PLEC: variants seen among roughly 807,000 people sequenced by gnomAD.
The protein encoded by PLEC is plectin, also known as hemidesmosomal protein 1.
Under a neutral mutation model 392.8 loss-of-function variants are expected in PLEC, and 216 were observed. The ratio of observed to expected loss-of-function variants is 0.55; its 90% CI spans 0.49 to 0.62. The LOEUF (loss-of-function observed/expected upper bound fraction) is 0.62, where lower values mean the gene tolerates loss of function less well. PLEC is among the 20% of genes least tolerant of loss of function. The pLI is 0.00. For missense variants in PLEC, 6,863 were observed against 6,563.4 expected, an observed-to-expected ratio of 1.05 and a Z score of -1.58; for synonymous variants, 3,621 against 2,980.6, an observed-to-expected ratio of 1.21 and a Z score of -7.00.
At chr8:143,940,665 G>A (rs1474080366), upstream of PLEC, among the ~76,000 whole-genome samples, 1 of 152,206 alleles carries the variant, frequency 6.6e-6, no homozygotes, top group Non-Finnish European at 1.5e-5. Flanking sequence ...CCGCACATCA[G>A]GCAGATTCGG....
At position 143,925,540 on chromosome 8, in the gene PLEC, G is replaced by A. The variant is rs369515138; in HGVS notation, c.4389C>T (p.Ala1463=). 3.8e-6 allele frequency: 6 copies of A among 1,594,664 alleles called. No homozygotes were observed. Among genetic ancestry groups the A allele is most frequent in the Non-Finnish European group, 4.2e-6 (5 of 1,177,778 alleles). The change falls in exon 31 of 32, where the codon GCC becomes GCT. Residue 1463 remains alanine, a synonymous_variant. Coordinates refer to ENST00000345136, the MANE Select transcript of PLEC (RefSeq NM_201384.3). ...CAGCCCCGCCACGCTGGCGCTCGGTGGCCTCCAACTGCAGGCGCACCACGC... is the reference window on the plus strand; with the variant it reads ...CAGCCCCGCCACGCTGGCGCTCGGTAGCCTCCAACTGCAGGCGCACCACGC... ...EIRVVRLQLE[A]TERQRGGAEG...
In PLEC at chr8:143,920,014, C is replaced by T; in HGVS notation, c.9807G>A (p.Glu3269=). 2 of 1,613,246 alleles carry T rather than the reference C, an allele frequency of 1.2e-6. No homozygotes were observed. ...TGCCCGTGCGGAACTGACGCAACAG[C>T]TCCTGCCGCTGCTCCGCAGTGAAGT... The part of the protein sequence containing the change: ...SEYFTAEQRQ[E]LLRQFRTGKV... The change falls in exon 32 of 32, where the codon GAG becomes GAA. Residue 3269 remains glutamate (E), a synonymous_variant. Coordinates refer to ENST00000345136, the MANE Select transcript of PLEC (RefSeq NM_201384.3).
chr8:143,946,403 C>G (rs923140690), intron 1 of PLEC: 30 of 1,288,460 alleles, frequency 2.3e-5, no homozygotes, highest in Non-Finnish European at 3.0e-5. Context: ...GGCTGCCACA[C>G]AGGCCAGGCT....
At chr8:143,960,685 T>C (rs1554740613) in intron 1 of PLEC, among the ~76,000 whole-genome samples, 2 of 151,864 alleles carry the variant, frequency 1.3e-5, no homozygotes, top group Non-Finnish European at 2.9e-5. Flanking sequence ...ATCAAAATCG[T>C]GTTGGAATAG....
In PLEC at chr8:143,918,010, A is replaced by C. The variant is rs553240680; in HGVS notation, c.11811T>G (p.Gly3937=). Residue 3937 remains glycine, a synonymous_variant, in exon 32 of 32, where the codon GGT becomes GGG. Transcript: ENST00000345136. ...KFLEGTSCIA[G]VFVDATKERL... ...GTTCCTTGGTGGCGTCCACGAAGAC[A>C]CCAGCGATGCAGCTGGTGCCTTCCA... The C allele has an allele frequency of 6.2e-7, 1 of 1,611,604 alleles. No homozygotes were observed. Among genetic ancestry groups the C allele is most frequent in the Non-Finnish European group, 8.5e-7 (1 of 1,179,738 alleles).
intron 1 of PLEC, among the ~76,000 whole-genome samples, chr8:143,949,694 T>A (rs1378627971): frequency 6.6e-6 from 1 of 152,130 alleles, no homozygotes; most frequent in Non-Finnish European, 1.5e-5. Context: ...AGCACTCAGT[T>A]ACCGGTCACA....
chr8:143,916,855 G>T lies in PLEC; in HGVS notation c.12966C>A (p.Ile4322=), dbSNP rs201042249. The change falls in exon 32 of 32, where the codon ATC becomes ATA. Residue 4322 remains isoleucine (I), a synonymous_variant. Transcript: ENST00000345136. ...GGAAGCGCTCACCGGTGCTGGGGTC[G>T]ATGATGCCCCCGGTGCAGGCCTGCG... ...LEAQACTGGI[I]DPSTGERFPV... The T allele has an allele frequency of 1.1e-5, 17 of 1,612,794 alleles. No homozygotes were observed. Among genetic ancestry groups the T allele is most frequent in the African/African-American group, 6.7e-5 (5 of 75,014 alleles).
At position 143,922,673 on chromosome 8, in the gene PLEC, C is replaced by A. The variant is rs554586153; in HGVS notation, c.7256G>T (p.Arg2419Leu). The A allele has an allele frequency of 8.7e-6, 14 of 1,613,176 alleles. No individual in the cohort carries two copies. Among genetic ancestry groups the A allele is most frequent in the South Asian group, 7.7e-5 (7 of 90,934 alleles). ...QAEEIGEKLH[R>L]TELATQEKVT... is the part of the protein sequence containing the mutation. ...CTTCTCCTGGGTGGCGAGCTCCGTG[C>A]GGTGCAGCTTCTCACCGATCTCCTC... The change falls in exon 31 of 32, where the codon CGC (arginine) becomes CTC (leucine). Residue 2419 changes from arginine (R) to leucine (L), a missense_variant. By Grantham distance (102) the Arg-to-Leu change is moderately radical. Transcript: ENST00000345136.
At chr8:143,936,693 C>T (rs1829139553) in intron 5 of PLEC, among the ~76,000 whole-genome samples, 1 of 152,214 alleles carries the variant, frequency 6.6e-6, no homozygotes, top group Non-Finnish European at 1.5e-5. Flanking sequence ...CTCCCCAGGG[C>T]AGGCACCGGG....
At chr8:143,952,192 ACACACACACACACACACGCG>A (rs1832232746), upstream of PLEC, among the ~76,000 whole-genome samples, 1 of 124,248 alleles carries the variant, frequency 8.0e-6, no homozygotes, top group Non-Finnish European at 1.7e-5. Context: ...ACACACACAC[ACACACACACACACACACGCG>A]CGCACACACG....
In PLEC at chr8:143,973,259, G is replaced by T; in HGVS notation, c.70+144C>A. 1 of 938,848 alleles carries T rather than the reference G, an allele frequency of 1.1e-6. No individual in the cohort carries two copies. The highest frequency in any genetic ancestry group is 1.5e-6 in the Non-Finnish European group (1 of 657,616). The allele number at this position is 938,848 out of a possible 1,614,324, so 58.2% of individuals were successfully genotyped here. On this transcript the variant is annotated intron_variant, in intron 1 of 31. Coordinates refer to the PLEC transcript ENST00000356346. The surrounding 1 kb of genome is among the most constrained non-coding windows in gnomAD (Gnocchi z 5.6). Reference sequence around the variant, plus strand: ...TCCTCCCCTTCCCTAGGCACTGGCAGCCGTTGGGGGCGATCCAGGCGGACG... The same window carrying T: ...TCCTCCCCTTCCCTAGGCACTGGCATCCGTTGGGGGCGATCCAGGCGGACG...
chr8:143,955,745 G>A (rs782017907), upstream of PLEC, among the ~76,000 whole-genome samples: 10 of 151,182 alleles, frequency 6.6e-5, no homozygotes, highest in South Asian at 2.1e-4. Flanking sequence ...GACTACAGGC[G>A]TGCACCACCA....
chr8:143,962,325 C>G (rs1372390038), intron 1 of PLEC, among the ~76,000 whole-genome samples: 1 of 152,226 alleles, frequency 6.6e-6, no homozygotes, highest in African/African-American at 2.4e-5. Flanking sequence ...TTCCTAGGCT[C>G]TTCCCGGGTG....
intron 1 of PLEC, among the ~76,000 whole-genome samples, chr8:143,972,536 C>T (rs1833482767): frequency 6.6e-6 from 1 of 152,204 alleles, no homozygotes; most frequent in African/African-American, 2.4e-5. Flanking sequence ...CCTGAGCTGC[C>T]CTTGGGGGCA....
upstream of PLEC, chr8:143,943,950 C>A (rs984001029): frequency 7.0e-6 from 11 of 1,577,278 alleles, no homozygotes; most frequent in African/African-American, 6.7e-5. Flanking sequence ...CTGCTCCAGG[C>A]TAGACAGCCC....
At position 143,933,307 on chromosome 8, in the gene PLEC, C is replaced by T. The variant is rs781792205; in HGVS notation, c.1308G>A (p.Gly436=). The change falls in exon 13 of 32, where the codon GGG becomes GGA. Residue 436 remains glycine (G), a synonymous_variant. Coordinates refer to ENST00000345136, the MANE Select transcript of PLEC (RefSeq NM_201384.3). ...LAAGKVPQRA[G]EVERDLDKAD... ...CCTTGTCCAAGTCCCGTTCCACCTCCCCCGCCCGCTGTGGCACTTTGCCTG... is the reference window on the plus strand; with the variant it reads ...CCTTGTCCAAGTCCCGTTCCACCTCTCCCGCCCGCTGTGGCACTTTGCCTG... The T allele has an allele frequency of 6.2e-7, 1 of 1,612,944 alleles. No individual in the cohort carries two copies. Among genetic ancestry groups the T allele is most frequent in the South Asian group, 1.1e-5 (1 of 91,090 alleles).
chr8:143,939,475 C>T lies in PLEC; in HGVS notation c.-14G>A. On this transcript the variant is annotated 5_prime_UTR_variant, in exon 1 of 32. Transcript: ENST00000345136. ...GTGCTGAGACATGCTGCCCCCACAC[C>T]TTCGTCGCCCGGACCCTCGGCCTCA... The T allele has an allele frequency of 1.2e-6, 2 of 1,606,348 alleles. No homozygotes were observed. The highest frequency in any genetic ancestry group is 1.1e-5 in the South Asian group (1 of 89,754).
Position 143,933,883 on chromosome 8 carries a change from C to G in PLEC, c.1263+115G>C, listed in dbSNP as rs570212192. The G allele has an allele frequency of 2.5e-5, 22 of 885,714 alleles. No homozygotes were observed. The Admixed American group carries it at 4.1e-4, about 16-fold the overall frequency. 54.9% of individuals were successfully genotyped at this position (885,714 alleles called of 1,614,324 possible). ...CCCCACCACATGCCCCGCCCCTGCCCCTGCCCCTGCCCCAGGAGCCCAGGG... is the reference window on the plus strand; with the variant it reads ...CCCCACCACATGCCCCGCCCCTGCCGCTGCCCCTGCCCCAGGAGCCCAGGG... On this transcript the variant is annotated intron_variant, in intron 12 of 31. Transcript: ENST00000345136.
At chr8:143,947,366 G>A (rs1245206557) in intron 1 of PLEC, among the ~76,000 whole-genome samples, 11 of 152,230 alleles carry the variant, frequency 7.2e-5, no homozygotes, top group South Asian at 2.1e-4. Flanking sequence ...GCCCCTGCCC[G>A]TTGCTGGTGC....
Sources: allele counts gnomAD v4.1 joint callset (sites outside exome capture counted in the v4.1 genomes callset), GRCh38; gene constraint gnomAD v4.1.1; non-coding constraint Gnocchi (gnomAD v3.1); transcripts MANE v1.5; gene names NCBI Gene and HGNC (gene_info 2026-07-23, HGNC 2026-07-21).